The following ENOPH1 variants were observed in gnomAD, a reference collection of about 807,000 sequenced individuals.
The protein encoded by ENOPH1 is enolase-phosphatase E1.
ENOPH1 carries 14 observed loss-of-function variants against 31.1 expected under a neutral mutation model. That is an observed-to-expected ratio of 0.45 (90% CI 0.30 to 0.70). The LOEUF is 0.70. Ranked by LOEUF, ENOPH1 falls within the 30% of genes least tolerant of loss-of-function variation. The pLI, the probability that ENOPH1 is intolerant of heterozygous loss-of-function variation, is 0.09. For missense variants in ENOPH1, 243 were observed against 321.5 expected, an observed-to-expected ratio of 0.76 and a Z score of 1.87; for synonymous variants, 127 against 123.2, an observed-to-expected ratio of 1.03 and a Z score of -0.21.
intron 1 of ENOPH1, among the ~76,000 whole-genome samples, chr4:82,431,860 G>T (rs1721773190): frequency 6.6e-6 from 1 of 151,642 alleles, no homozygotes; most frequent in Non-Finnish European, 1.5e-5. Flanking sequence ...GAGCAGCTTG[G>T]GTTTTAAATT....
intron 1 of ENOPH1, among the ~76,000 whole-genome samples, chr4:82,437,211 A>G (rs1238700304): frequency 6.6e-6 from 1 of 152,174 alleles, no homozygotes; most frequent in Non-Finnish European, 1.5e-5. Context: ...CCTTTCCCTC[A>G]CATTTAATTG....
intron 2 of ENOPH1, among the ~76,000 whole-genome samples, chr4:82,449,246 AAAG>A (rs1026574496): frequency 2.0e-5 from 3 of 152,188 alleles, no homozygotes; most frequent in Non-Finnish European, 4.4e-5. Context: ...TCTCAAAAAA[AAAG>A]AGTCCTTTCT....
intron 1 of ENOPH1, among the ~76,000 whole-genome samples, chr4:82,432,539 T>C (rs1721799242): frequency 6.6e-6 from 1 of 152,176 alleles, no homozygotes; most frequent in Non-Finnish European, 1.5e-5. Flanking sequence ...GAAGAGGGTT[T>C]CACCAGGCTG....
In ENOPH1 at chr4:82,460,196, A is replaced by G. The variant is rs766456127; in HGVS notation, c.*76A>G. On this transcript the variant is annotated 3_prime_UTR_variant, in exon 6 of 6. Coordinates refer to ENST00000273920, the MANE Select transcript of ENOPH1 (RefSeq NM_021204.5). Reference sequence around the variant, plus strand: ...TGTCTAGGTTTATTCTAATGGTAAAAGTAACTTACTTAAAAAACATATGTA... The same window carrying G: ...TGTCTAGGTTTATTCTAATGGTAAAGGTAACTTACTTAAAAAACATATGTA... The G allele has an allele frequency of 2.0e-6, 3 of 1,496,594 alleles. No homozygotes were observed. Among genetic ancestry groups the G allele is most frequent in the Non-Finnish European group, 2.8e-6 (3 of 1,087,842 alleles). 92.7% of individuals were successfully genotyped at this position (1,496,594 alleles called of 1,614,324 possible).
chr4:82,454,406 C>T (rs749393400), intron 3 of ENOPH1, among the ~76,000 whole-genome samples: 5 of 152,110 alleles, frequency 3.3e-5, no homozygotes, highest in Non-Finnish European at 7.4e-5. Context: ...CTGTTGTTTG[C>T]TTTTTTGAGT....
At chr4:82,442,705 T>C (rs1332750982) in intron 1 of ENOPH1, among the ~76,000 whole-genome samples, 1 of 152,234 alleles carries the variant, frequency 6.6e-6, no homozygotes, top group African/African-American at 2.4e-5. Flanking sequence ...TGTTCTCTCA[T>C]ATTTTGTTCA....
Position 82,456,981 on chromosome 4 carries a change from G to T in ENOPH1, c.589G>T (p.Ala197Ser), listed in dbSNP as rs752325316. The T allele has an allele frequency of 6.2e-7, 1 of 1,614,052 alleles. No homozygotes were observed. The highest frequency in any genetic ancestry group is 8.5e-7 in the Non-Finnish European group (1 of 1,179,980). The change falls in exon 5 of 6, where the codon GCA becomes TCA. Residue 197 changes from alanine to serine, a missense_variant. Ala to Ser is a moderately conservative substitution (Grantham distance 99, BLOSUM62 1). Transcript: ENST00000273920. ...AGAGAGTGAAAGTTACCGAAAGATT[G>T]CAGACAGCATTGGGTGCTCAACCAA... ...KVESESYRKIADSIGCSTNNI... is the reference protein window; with the variant it reads ...KVESESYRKISDSIGCSTNNI...
intron 1 of ENOPH1, among the ~76,000 whole-genome samples, chr4:82,432,975 G>A (rs1260865071): frequency 1.2e-4 from 18 of 150,110 alleles, no homozygotes; most frequent in Admixed American, 1.2e-3. Flanking sequence ...ACTGATGATT[G>A]ATTAATTTCC....
chr4:82,451,561 T>G (rs1399072127), intron 3 of ENOPH1, among the ~76,000 whole-genome samples: 1 of 152,150 alleles, frequency 6.6e-6, no homozygotes, highest in Non-Finnish European at 1.5e-5. Flanking sequence ...AGCACATGAG[T>G]GACAGCTCCG....
At chr4:82,435,587 T>C (rs1050444079) in intron 1 of ENOPH1, among the ~76,000 whole-genome samples, 2 of 152,234 alleles carry the variant, frequency 1.3e-5, no homozygotes, top group Non-Finnish European at 2.9e-5. Context: ...AAAACTGCTA[T>C]ATTAAATTAT....
chr4:82,433,888 G>A (rs1462396624), intron 1 of ENOPH1, among the ~76,000 whole-genome samples: 1 of 152,206 alleles, frequency 6.6e-6, no homozygotes, highest in Non-Finnish European at 1.5e-5. Flanking sequence ...GCACGGAAAG[G>A]TTGAGCATGG....
chr4:82,460,085 TC>T lies in ENOPH1; in HGVS notation c.753del (p.Phe252SerfsTer59). ...DEKTYYSLIT[S>X]FSELYLPSST ...GAAGACTTACTACAGCCTCATCACATCCTTCAGTGAACTATACCTGCCTTCC... is the reference window on the plus strand; with the variant it reads ...GAAGACTTACTACAGCCTCATCACATCTTCAGTGAACTATACCTGCCTTCC... On this transcript the variant is annotated frameshift_variant, in exon 6 of 6. Coordinates refer to ENST00000273920, the MANE Select transcript of ENOPH1 (RefSeq NM_021204.5). LOFTEE classifies it high-confidence loss of function. The T allele has an allele frequency of 6.2e-7, 1 of 1,614,232 alleles. No individual in the cohort carries two copies. Among genetic ancestry groups the T allele is most frequent in the Non-Finnish European group, 8.5e-7 (1 of 1,180,038 alleles).
At chr4:82,441,494 C>T (rs563111531) in intron 1 of ENOPH1, among the ~76,000 whole-genome samples, 5 of 152,112 alleles carry the variant, frequency 3.3e-5, no homozygotes, top group South Asian at 2.1e-4. Context: ...TGGTGGCAGG[C>T]GTGGTGGCGG....
chr4:82,435,763 G>A (rs1033307140), intron 1 of ENOPH1, among the ~76,000 whole-genome samples: 1 of 152,144 alleles, frequency 6.6e-6, no homozygotes, highest in Admixed American at 6.5e-5. Flanking sequence ...ACAAGGAATG[G>A]CACACTGGAA....
At chr4:82,443,757 A>G (rs1239141300) in intron 1 of ENOPH1, among the ~76,000 whole-genome samples, 2 of 151,856 alleles carry the variant, frequency 1.3e-5, no homozygotes, top group Admixed American at 1.3e-4. Flanking sequence ...AGCCCACAAT[A>G]TTGCTTTTGT....
chr4:82,453,792 G>A (rs1226361330), intron 3 of ENOPH1, among the ~76,000 whole-genome samples: 1 of 152,196 alleles, frequency 6.6e-6, no homozygotes, highest in Non-Finnish European at 1.5e-5. Context: ...AAGAGAGACT[G>A]AGTGTCAGAA....
intron 5 of ENOPH1, among the ~76,000 whole-genome samples, chr4:82,457,282 A>G (rs1722514713): frequency 6.6e-6 from 1 of 151,868 alleles, no homozygotes; most frequent in Admixed American, 6.5e-5. Flanking sequence ...GGGCTCAGGC[A>G]GGAGGATTGC....
chr4:82,439,521 G>T (rs1394755174), intron 1 of ENOPH1, among the ~76,000 whole-genome samples: 1 of 152,120 alleles, frequency 6.6e-6, no homozygotes, highest in Non-Finnish European at 1.5e-5. Context: ...GGGGTAAAGA[G>T]TGGGATCTTT....
chr4:82,454,880 T>A, intron 4 of ENOPH1, 26 bp downstream of exon 4: 1 of 1,599,484 alleles, frequency 6.3e-7, no homozygotes, highest in Non-Finnish European at 8.5e-7. Flanking sequence ...TACTTTGTTG[T>A]TTTGACGCTA....
Sources: gnomAD v4.1 joint callset for allele counts (sites outside exome capture counted in the v4.1 genomes callset) on GRCh38, gnomAD v4.1.1 for gene constraint, MANE v1.5 for transcripts, NCBI Gene and HGNC (gene_info 2026-07-23, HGNC 2026-07-21) for gene names.